Variants in SETBP1 observed in about 807,000 individuals in gnomAD.
SETBP1 encodes the protein SET-binding protein.
A neutral mutation model predicts 101.0 loss-of-function variants in SETBP1; 9 were observed. That is an observed-to-expected ratio of 0.09 (90% CI 0.05 to 0.16). The LOEUF (loss-of-function observed/expected upper bound fraction) is 0.16. Among genes scored for constraint, SETBP1 ranks in the 10% least tolerant of loss-of-function variants. The pLI is 1.00. For synonymous variants in SETBP1, 818 were observed against 788.5 expected (o/e 1.04, Z -0.63); for missense variants, 1,858 against 2,033.8 (o/e 0.91, Z 1.66).
chr18:44,852,372 CTGCACCA>C (rs2072887455), intron 2 of SETBP1, among the ~76,000 whole-genome samples: 6 of 152,226 alleles, frequency 3.9e-5, no homozygotes, highest in Non-Finnish European at 8.8e-5. Flanking sequence ...CCCCCACGTT[CTGCACCA>C]TTGCTGCAAA....
chr18:44,832,160 A>G (rs573155894), intron 2 of SETBP1, among the ~76,000 whole-genome samples: 11 of 152,334 alleles, frequency 7.2e-5, no homozygotes, highest in Non-Finnish European at 1.6e-4. Flanking sequence ...TGTCAGGCCC[A>G]TCAGGTGACG....
chr18:45,037,102 A>G (rs1231187693), intron 4 of SETBP1, among the ~76,000 whole-genome samples: 1 of 152,250 alleles, frequency 6.6e-6, no homozygotes, highest in Admixed American at 6.5e-5. Context: ...GGACTGGATC[A>G]GTCAGGTTAG....
Position 44,953,306 on chromosome 18 carries a change from G to A in SETBP1, c.3966G>A (p.Lys1322=), listed in dbSNP as rs1219922479. 2 of 1,613,980 alleles carry A rather than the reference G, an allele frequency of 1.2e-6. No individual in the cohort carries two copies. Among genetic ancestry groups the A allele is most frequent in the East Asian group, 4.5e-5 (2 of 44,882 alleles). The part of the protein sequence containing the change: ...KDIQAFKMNR[K]ERSSYDSSMS... ...TCCAAGCCTTCAAGATGAACCGCAA[G>A]GAGAGAAGTTCTTATGACTCCTCCA... The change falls in exon 4 of 6, where the codon AAG becomes AAA. Residue 1322 remains lysine (K), a synonymous_variant. Transcript: ENST00000649279.
At chr18:44,790,494 G>A (rs1265062357) in intron 2 of SETBP1, among the ~76,000 whole-genome samples, 1 of 152,206 alleles carries the variant, frequency 6.6e-6, no homozygotes, top group Non-Finnish European at 1.5e-5. Context: ...TCACACTGAG[G>A]TGCTGCAAAC....
At chr18:44,904,255 A>T (rs1362237580) in intron 3 of SETBP1, among the ~76,000 whole-genome samples, 1 of 152,178 alleles carries the variant, frequency 6.6e-6, no homozygotes, top group Admixed American at 6.5e-5. Context: ...TTTTTTGTTT[A>T]TGCATAAGAT....
intron 2 of SETBP1, among the ~76,000 whole-genome samples, chr18:44,812,999 T>C (rs914764856): frequency 6.6e-6 from 1 of 152,118 alleles, no homozygotes; most frequent in African/African-American, 2.4e-5. Context: ...CAGTGACATG[T>C]TCATTCTGAG....
At chr18:44,806,756 T>C (rs2071750017) in intron 2 of SETBP1, among the ~76,000 whole-genome samples, 1 of 150,134 alleles carries the variant, frequency 6.7e-6, no homozygotes, top group Non-Finnish European at 1.5e-5. Context: ...CATACCTTAT[T>C]TAATTCCTGG....
rs1197879510 is a variant in SETBP1 at position 45,038,495 on chromosome 18, T to C, written c.4011T>C (p.Ser1337=). The change falls in exon 5 of 6, where the codon AGT becomes AGC. Residue 1337 remains serine (S), a synonymous_variant. Transcript: ENST00000649279. ...YDSSMSPGMP[S]PHLKVDQTAV... The stretch of plus-strand genomic sequence containing the variant: ...GTTGTTATTTTTTAGGGATGCCAAG[T>C]CCCCACTTAAAAGTGGACCAGACAG... The C allele has an allele frequency of 6.2e-7, 1 of 1,614,036 alleles. No homozygotes were observed. The highest frequency in any genetic ancestry group is 1.7e-5 in the Admixed American group (1 of 60,006).
intron 4 of SETBP1, among the ~76,000 whole-genome samples, chr18:44,998,085 G>C (rs565877886): frequency 6.6e-6 from 1 of 152,362 alleles, no homozygotes; most frequent in South Asian, 2.1e-4. Flanking sequence ...TAGTTAAAGA[G>C]AAGGGAGATT....
chr18:44,835,736 A>G (rs1351520584), intron 2 of SETBP1, among the ~76,000 whole-genome samples: 1 of 152,220 alleles, frequency 6.6e-6, no homozygotes, highest in East Asian at 1.9e-4. Flanking sequence ...TCACACGGCC[A>G]AGCCAGAGCA....
At chr18:44,965,661 C>T (rs2071706743) in intron 4 of SETBP1, among the ~76,000 whole-genome samples, 1 of 152,136 alleles carries the variant, frequency 6.6e-6, no homozygotes, top group Non-Finnish European at 1.5e-5. Context: ...CTTAAATCTC[C>T]ATGGACAATG....
intron 2 of SETBP1, among the ~76,000 whole-genome samples, chr18:44,864,961 G>A (rs955801378): frequency 1.2e-4 from 19 of 152,110 alleles, no homozygotes; most frequent in East Asian, 1.2e-3. Context: ...TAGGATGTGC[G>A]CTTTTCAAGG....
At chr18:44,744,764 C>T (rs1315442039) in intron 2 of SETBP1, among the ~76,000 whole-genome samples, 2 of 130,006 alleles carry the variant, frequency 1.5e-5, no homozygotes, top group Non-Finnish European at 3.2e-5. Context: ...GTCCAACCCT[C>T]CTCTTAAAAA....
At chr18:45,002,652 G>A (rs1453987497) in intron 4 of SETBP1, among the ~76,000 whole-genome samples, 1 of 152,150 alleles carries the variant, frequency 6.6e-6, no homozygotes, top group African/African-American at 2.4e-5. Flanking sequence ...CCTTTGGTGG[G>A]TGCCTTCGCC....
chr18:44,962,439 G>C (rs967376401), intron 4 of SETBP1, among the ~76,000 whole-genome samples: 1 of 152,160 alleles, frequency 6.6e-6, no homozygotes, highest in Admixed American at 6.5e-5. Flanking sequence ...GGGGTGCTGA[G>C]TGTGAGATGT....
intron 4 of SETBP1, among the ~76,000 whole-genome samples, chr18:44,971,063 C>A (rs1291198960): frequency 7.0e-6 from 1 of 142,972 alleles, no homozygotes; most frequent in South Asian, 2.5e-4. Flanking sequence ...GTGTGATGTT[C>A]CCCTTCCAGT....
intron 1 of SETBP1, among the ~76,000 whole-genome samples, chr18:44,688,195 T>C (rs934615286): frequency 2.6e-5 from 4 of 152,220 alleles, no homozygotes; most frequent in African/African-American, 9.6e-5. Flanking sequence ...GCAATATTGT[T>C]AGCCAAATTT....
In SETBP1 at chr18:44,950,309, G is replaced by T; in HGVS notation, c.969G>T (p.Lys323Asn). ...TGGATCAAGATGGAGGAGGTACAAA[G>T]GAGCCCCCAGAACCACCTACGGTGG... ...PLVDQDGGGT[K>N]EPPEPPTVGS... Residue 323 changes from lysine to asparagine, a missense_variant, in exon 4 of 6, where the codon AAG becomes AAT. Around this residue, in one of 12 missense-constraint regions of SETBP1, gnomAD observed 581 missense variants for 535.1 expected, o/e 1.09. Coordinates refer to ENST00000649279, the MANE Select transcript of SETBP1 (RefSeq NM_015559.3). The T allele has an allele frequency of 6.2e-7, 1 of 1,614,016 alleles. No homozygotes were observed. Among genetic ancestry groups the T allele is most frequent in the Non-Finnish European group, 8.5e-7 (1 of 1,180,034 alleles).
rs2072900485 is a variant in SETBP1 at position 44,852,831 on chromosome 18, T to C, written c.487-16399T>C. On this transcript the variant is annotated intron_variant, in intron 2 of 5. Coordinates refer to ENST00000649279, the MANE Select transcript of SETBP1 (RefSeq NM_015559.3). ...CTCACTGGAGAGTGTCCTGAGTGTA[T>C]CTAATTTCTAATGGTGGCCCCATGA... 2.0e-5 allele frequency among the ~76,000 whole-genome samples: 3 copies of C among 152,134 alleles called. No individual in the cohort carries two copies. The South Asian group carries it at 6.2e-4, about 32-fold the overall frequency.
Sources: allele counts gnomAD v4.1 joint callset (sites outside exome capture counted in the v4.1 genomes callset), GRCh38; gene constraint gnomAD v4.1.1; regional missense constraint gnomAD v4.1.1; transcripts MANE v1.5; gene names NCBI Gene and HGNC (gene_info 2026-07-23, HGNC 2026-07-21).